The following PAPSS2 variants were observed in gnomAD, a reference collection of about 807,000 sequenced individuals.
The protein encoded by PAPSS2 is 3'-phosphoadenosine 5'-phosphosulfate synthase 2, also known as bifunctional 3'-phosphoadenosine 5'-phosphosulfate synthase 2.
In PAPSS2, 61 loss-of-function variants were observed where a neutral mutation model predicts 66.5. That is an observed-to-expected ratio of 0.92 (90% CI 0.75 to 1.14). The LOEUF is 1.14. Ranked by LOEUF, PAPSS2 falls within the 50% of genes most tolerant of loss-of-function variation. The pLI is 0.00. For synonymous variants in PAPSS2, 289 were observed against 287.5 expected (o/e 1.01, Z -0.05); for missense variants, 708 against 789.6 (o/e 0.90, Z 1.24).
intron 1 of PAPSS2, among the ~76,000 whole-genome samples, chr10:87,700,320 A>G (rs1853287148): frequency 6.6e-6 from 1 of 152,212 alleles, no homozygotes; most frequent in Non-Finnish European, 1.5e-5. Flanking sequence ...CAATTCCATG[A>G]GAGAATGTGG....
chr10:87,720,680 CA>C (rs1320476806), intron 7 of PAPSS2, among the ~76,000 whole-genome samples: 1 of 151,918 alleles, frequency 6.6e-6, no homozygotes, highest in Non-Finnish European at 1.5e-5. Flanking sequence ...TTAATTTTCT[CA>C]AAGGTTTATA....
intron 1 of PAPSS2, among the ~76,000 whole-genome samples, chr10:87,664,530 A>G (rs1360976388): frequency 6.6e-6 from 1 of 152,220 alleles, no homozygotes; most frequent in Non-Finnish European, 1.5e-5. Flanking sequence ...GTTAAAAGAT[A>G]AATGTGGTTA....
At chr10:87,734,397 C>T (rs1853767462) in intron 9 of PAPSS2, among the ~76,000 whole-genome samples, 1 of 151,870 alleles carries the variant, frequency 6.6e-6, no homozygotes, top group Non-Finnish European at 1.5e-5. Context: ...CCTTTCATAC[C>T]TGTGACAGGT....
At chr10:87,686,026 G>A (rs76221046) in intron 1 of PAPSS2, among the ~76,000 whole-genome samples, 1,937 of 152,140 alleles carry the variant, frequency 0.013, 44 homozygotes, top group African/African-American at 0.044. Flanking sequence ...GAGGTCTCCA[G>A]CTCCTTTTCT....
rs376062349 is a variant in PAPSS2 at position 87,713,871 on chromosome 10, TGA to T, written c.382-167_382-166del. 7.0e-3 allele frequency among the ~76,000 whole-genome samples: 1,073 copies of T among 152,280 alleles called. 15 individuals are homozygous for T. Among genetic ancestry groups the T allele is most frequent in the African/African-American group, 0.024 (1,004 of 41,566 alleles). On this transcript the variant is annotated intron_variant, in intron 3 of 12. Transcript: ENST00000456849. Reference sequence around the variant, plus strand: ...TTCCATGATTTTCTGTGAAAGTCCTTGAGAGAGCTGTGTTTACCAGAGTAAAA... The same window carrying T: ...TTCCATGATTTTCTGTGAAAGTCCTTGAGAGCTGTGTTTACCAGAGTAAAA...
intron 1 of PAPSS2, among the ~76,000 whole-genome samples, chr10:87,673,398 G>A (rs1405823627): frequency 6.6e-6 from 1 of 151,948 alleles, no homozygotes; most frequent in Non-Finnish European, 1.5e-5. Context: ...GGCCTCAAGC[G>A]ATCCTCCCAC....
intron 1 of PAPSS2, among the ~76,000 whole-genome samples, chr10:87,702,770 C>G (rs2131924656): frequency 6.6e-6 from 1 of 152,252 alleles, no homozygotes; most frequent in South Asian, 2.1e-4. Flanking sequence ...CTTTGGTAAG[C>G]TCCACCAGAC....
intron 1 of PAPSS2, among the ~76,000 whole-genome samples, chr10:87,703,038 G>C (rs1005759908): frequency 6.6e-5 from 10 of 152,142 alleles, no homozygotes; most frequent in African/African-American, 2.2e-4. Flanking sequence ...AGTGAGGGGT[G>C]AGCCTGGCAG....
In PAPSS2 at chr10:87,676,667, T is replaced by C. The variant is rs1054879715; in HGVS notation, c.27+16659T>C. Among the ~76,000 whole-genome samples, 3 of 152,168 alleles carry C rather than the reference T, an allele frequency of 2.0e-5. No homozygotes were observed. The East Asian group carries it at 5.8e-4, about 29-fold the overall frequency. On this transcript the variant is annotated intron_variant, in intron 1 of 12. Transcript: ENST00000456849. Reference sequence around the variant, plus strand: ...TTAAAAATTAATATGTTGCGTTATATAGCACTTATCTTTACAGAGATTATT... The same window carrying C: ...TTAAAAATTAATATGTTGCGTTATACAGCACTTATCTTTACAGAGATTATT...
intron 1 of PAPSS2, among the ~76,000 whole-genome samples, chr10:87,662,701 A>G (rs1852767718): frequency 6.6e-6 from 1 of 152,178 alleles, no homozygotes; most frequent in South Asian, 2.1e-4. Context: ...CAAGGCCCAC[A>G]GACAGTGCTG....
intron 1 of PAPSS2, among the ~76,000 whole-genome samples, chr10:87,705,189 T>C (rs1368157358): frequency 6.6e-6 from 1 of 152,342 alleles, no homozygotes; most frequent in East Asian, 1.9e-4. Flanking sequence ...GTGTAGTTTT[T>C]TTGGATAAGG....
At chr10:87,664,248 A>ATTTAATAAGGAAAAAC (rs1852789073) in intron 1 of PAPSS2, among the ~76,000 whole-genome samples, 1 of 152,226 alleles carries the variant, frequency 6.6e-6, no homozygotes, top group African/African-American at 2.4e-5. Flanking sequence ...AAGGAAAAAC[A>ATTTAATAAGGAAAAAC]AATGCAGAAA....
chr10:87,696,136 C>G (rs951539397), intron 1 of PAPSS2, among the ~76,000 whole-genome samples: 4 of 152,190 alleles, frequency 2.6e-5, no homozygotes, highest in African/African-American at 9.7e-5. Context: ...ATGAAATTCT[C>G]TATCTTGGGT....
chr10:87,724,577 A>G (rs1182050192), intron 8 of PAPSS2, among the ~76,000 whole-genome samples: 1 of 149,590 alleles, frequency 6.7e-6, no homozygotes, highest in East Asian at 1.9e-4. Flanking sequence ...TATAAAATAT[A>G]TGTAACATAT....
chr10:87,682,468 A>G (rs1589422641), intron 1 of PAPSS2, among the ~76,000 whole-genome samples: 3 of 152,248 alleles, frequency 2.0e-5, no homozygotes. Flanking sequence ...AACCCCTTCC[A>G]TCAATGGGAG....
intron 11 of PAPSS2, among the ~76,000 whole-genome samples, chr10:87,744,142 T>TATTA (rs1420493916): frequency 6.6e-6 from 1 of 152,124 alleles, no homozygotes; most frequent in African/African-American, 2.4e-5. Flanking sequence ...AAATCAAACC[T>TATTA]ATTATACATT....
chr10:87,701,236 T>A (rs1354700365), intron 1 of PAPSS2, among the ~76,000 whole-genome samples: 1 of 102,708 alleles, frequency 9.7e-6, no homozygotes, highest in Non-Finnish European at 1.8e-5. Context: ...TAATTTTCTT[T>A]CTTTTTTCTT....
intron 9 of PAPSS2, among the ~76,000 whole-genome samples, chr10:87,735,979 T>A (rs1291447866): frequency 6.6e-6 from 1 of 152,190 alleles, no homozygotes; most frequent in Non-Finnish European, 1.5e-5. Flanking sequence ...ACTAGGTGTT[T>A]CAAATCAGCT....
chr10:87,724,854 A>ACACACACACACACACG (rs1853639987), intron 8 of PAPSS2, among the ~76,000 whole-genome samples: 1 of 149,118 alleles, frequency 6.7e-6, no homozygotes, highest in Admixed American at 6.7e-5. Flanking sequence ...CTGTCTATAC[A>ACACACACACACACACG]CACACACACA....
Sources: allele counts gnomAD v4.1 joint callset (sites outside exome capture counted in the v4.1 genomes callset), GRCh38; gene constraint gnomAD v4.1.1; transcripts MANE v1.5; gene names NCBI Gene and HGNC (gene_info 2026-07-23, HGNC 2026-07-21).